ADCK2: variants seen among roughly 807,000 people sequenced by gnomAD.
ADCK2 encodes the protein aarF domain containing kinase 2, also known as uncharacterized aarF domain-containing protein kinase 2.
Under a neutral mutation model 52.3 loss-of-function variants are expected in ADCK2, and 37 were observed. The observed-to-expected ratio is 0.71, with a 90% CI of 0.54 to 0.93. ADCK2 has a LOEUF of 0.93. Ranked by LOEUF, ADCK2 falls within the 40% of genes least tolerant of loss-of-function variation. ADCK2 has a pLI of 0.00. For synonymous variants in ADCK2, 321 were observed against 349.2 expected, an observed-to-expected ratio of 0.92 and a Z score of 0.90; for missense variants, 695 against 798.7, an observed-to-expected ratio of 0.87 and a Z score of 1.56.
chr7:140,674,188 A>C lies in ADCK2; in HGVS notation c.858A>C (p.Ser286=). 1 of 1,614,028 alleles carries C rather than the reference A, an allele frequency of 6.2e-7. No homozygotes were observed. The highest frequency in any genetic ancestry group is 8.5e-7 in the Non-Finnish European group (1 of 1,180,006). The stretch of plus-strand genomic sequence containing the variant: ...TCCCTAAAGCTGACCTGGTTGGATC[A>C]AATGCAGGGGTGTCTCGGGCTCAGG... The part of the protein sequence containing the change: ...LLLPKADLVG[S]NAGVSRAQVP... The change falls in exon 1 of 8, where the codon TCA becomes TCC. Residue 286 remains serine (S), a synonymous_variant. Transcript: ENST00000072869. This position sits in a 1 kb window ranked among gnomAD's most constrained non-coding sequence, Gnocchi z 4.6.
intron 3 of ADCK2, among the ~76,000 whole-genome samples, chr7:140,679,662 CTTTTTTTTTTTT>C (rs57302302): frequency 2.4e-4 from 18 of 75,370 alleles, no homozygotes; most frequent in African/African-American, 6.8e-4. Context: ...CCTTCTCTCT[CTTTTTTTTTTTT>C]TTTTTTTTTT....
intron 3 of ADCK2, 54 bp downstream of exon 3, chr7:140,679,337 C>A: frequency 1.2e-6 from 2 of 1,601,954 alleles, no homozygotes; most frequent in Non-Finnish European, 8.5e-7. Context: ...TCGCAGTGGG[C>A]CCGTCTCCAG....
chr7:140,681,032 C>T lies in ADCK2; in HGVS notation c.1210-10C>T. 3 of 1,613,640 alleles carry T rather than the reference C, an allele frequency of 1.9e-6. No individual in the cohort carries two copies. Among genetic ancestry groups the T allele is most frequent in the Non-Finnish European group, 1.7e-6 (2 of 1,179,536 alleles). ...GGGATTAAGCTGTTCTCTCCCTGGT[C>T]TTTCTGAAGGAGAGTGTGCCTGTGT... On this transcript the variant is annotated splice_polypyrimidine_tract_variant and intron_variant, in intron 3 of 7. Transcript: ENST00000072869.
intron 5 of ADCK2, among the ~76,000 whole-genome samples, chr7:140,688,610 A>G (rs1355904930): frequency 6.6e-6 from 1 of 152,256 alleles, no homozygotes; most frequent in African/African-American, 2.4e-5. Context: ...GCTGGTCAGC[A>G]GGAATGCTGG....
chr7:140,689,852 C>T (rs1264854390), intron 6 of ADCK2, 127 bp downstream of exon 6: 1 of 1,202,432 alleles, frequency 8.3e-7, no homozygotes, highest in African/African-American at 1.6e-5. Context: ...AGAACCACCC[C>T]ACATCTTCCA....
At position 140,679,216 on chromosome 7, in the gene ADCK2, A is replaced by G; in HGVS notation, c.1142A>G (p.Lys381Arg). The G allele has an allele frequency of 6.2e-7, 1 of 1,614,058 alleles. No homozygotes were observed. Among genetic ancestry groups the G allele is most frequent in the Non-Finnish European group, 8.5e-7 (1 of 1,179,974 alleles). ...TTCCAGGTCAACTTCCGGAATGTGA[A>G]AGCCGTCAAGTTCCCCACCCCTCTG... ...EHFQVNFRNV[K>R]AVKFPTPLRP... is the part of the protein sequence containing the mutation. Residue 381 changes from lysine (K) to arginine (R), a missense_variant, in exon 3 of 8, where the codon AAA becomes AGA. Coordinates refer to ENST00000072869, the MANE Select transcript of ADCK2 (RefSeq NM_052853.4).
At position 140,674,034 on chromosome 7, in the gene ADCK2, C is replaced by T. The variant is rs780598246; in HGVS notation, c.704C>T (p.Ala235Val). The T allele has an allele frequency of 1.4e-5, 22 of 1,613,964 alleles. No homozygotes were observed. Among genetic ancestry groups the T allele is most frequent in the Non-Finnish European group, 1.9e-5 (22 of 1,180,036 alleles). ...GACAGCGTCCAGAGACTTGGCAGGG[C>T]CTCCTGTCTGCCGCCCTTCTCACAT... ...ETDSVQRLGR[A>V]SCLPPFSHTG... Residue 235 changes from alanine to valine, a missense_variant, in exon 1 of 8, where the codon GCC becomes GTC. Ala to Val is a moderately conservative substitution (Grantham distance 64). Coordinates refer to ENST00000072869, the MANE Select transcript of ADCK2 (RefSeq NM_052853.4). This position sits in a 1 kb window ranked among gnomAD's most constrained non-coding sequence, Gnocchi z 4.6.
chr7:140,684,643 G>A (rs976374256), intron 4 of ADCK2, among the ~76,000 whole-genome samples: 2 of 152,210 alleles, frequency 1.3e-5, no homozygotes, highest in African/African-American at 4.8e-5. Flanking sequence ...GTGGAGGCAC[G>A]TCTGGAGTCC....
Position 140,673,891 on chromosome 7 carries a change from G to A in ADCK2, c.561G>A (p.Arg187=), listed in dbSNP as rs147511260. 5 of 1,613,874 alleles carry A rather than the reference G, an allele frequency of 3.1e-6. No homozygotes were observed. In the African/African-American group the frequency reaches 4.0e-5, roughly 13 times the overall value. Residue 187 remains arginine, a synonymous_variant, in exon 1 of 8, where the codon CGG becomes CGA. Transcript: ENST00000072869. The surrounding 1 kb of genome is among the most constrained non-coding windows in gnomAD (Gnocchi z 6.4). ...HPWTHTERFL[R]QAFGDDWGSI... ...GGACTCACACTGAGCGCTTCCTTCGGCAGGCTTTTGGGGATGACTGGGGGA... is the reference window on the plus strand; with the variant it reads ...GGACTCACACTGAGCGCTTCCTTCGACAGGCTTTTGGGGATGACTGGGGGA...
rs1794371668 is a variant in ADCK2, at chr7:140,674,984, T to C, written c.1080+227T>C. Among the ~76,000 whole-genome samples, 1 of 152,190 alleles carries C rather than the reference T, an allele frequency of 6.6e-6. No homozygotes were observed. The highest frequency in any genetic ancestry group is 2.1e-4 in the South Asian group (1 of 4,830). On this transcript the variant is annotated intron_variant, in intron 2 of 7. Coordinates refer to ENST00000072869, the MANE Select transcript of ADCK2 (RefSeq NM_052853.4). This position sits in a 1 kb window ranked among gnomAD's most constrained non-coding sequence, Gnocchi z 4.6. The stretch of plus-strand genomic sequence containing the variant: ...CTGGCCGGGCGTGGTGGCTCATGTG[T>C]GTAATCCTAGGACTTTGGGAGGCTC...
chr7:140,682,240 G>A (rs541853776), intron 4 of ADCK2, among the ~76,000 whole-genome samples: 37 of 152,274 alleles, frequency 2.4e-4, no homozygotes, highest in Non-Finnish European at 3.7e-4. Flanking sequence ...AGGTCATTTC[G>A]GAGGAGACTG....
chr7:140,678,609 G>A lies in ADCK2; in HGVS notation c.1081-546G>A, dbSNP rs560400597. 6.6e-6 allele frequency among the ~76,000 whole-genome samples: 1 copy of A among 152,290 alleles called. No individual in the cohort carries two copies. The highest frequency in any genetic ancestry group is 1.9e-4 in the East Asian group (1 of 5,180). On this transcript the variant is annotated intron_variant, in intron 2 of 7. Transcript: ENST00000072869. The surrounding 1 kb of genome is among the most constrained non-coding windows in gnomAD (Gnocchi z 4.9). ...GGGAAGAGCCATCACGGAGAGACAG[G>A]TCAGCAGCGGCACCAGCCCTGGATG...
chr7:140,682,728 A>G (rs147942105), intron 4 of ADCK2, among the ~76,000 whole-genome samples: 1,756 of 150,250 alleles, frequency 0.012, 42 homozygotes, highest in African/African-American at 0.041. Flanking sequence ...AGTGGCTCAC[A>G]CCTATAATCC....
In ADCK2 at chr7:140,687,139, C is replaced by T; in HGVS notation, c.1455C>T (p.Cys485=). ...TGGTGGCCGTGCCATCTTCCCTCTG[C>T]CCGCTGCGACTGGTGCTGCTGGATG... The part of the protein sequence containing the change: ...TLVVAVPSSL[C]PLRLVLLDAG... The change falls in exon 5 of 8, where the codon TGC becomes TGT. Residue 485 remains cysteine (C), a synonymous_variant. Transcript: ENST00000072869. The T allele has an allele frequency of 3.7e-6, 6 of 1,613,340 alleles. No individual in the cohort carries two copies. Among genetic ancestry groups the T allele is most frequent in the Non-Finnish European group, 5.1e-6 (6 of 1,179,688 alleles).
intron 7 of ADCK2, among the ~76,000 whole-genome samples, chr7:140,691,138 C>T (rs546875306): frequency 6.6e-6 from 1 of 152,138 alleles, no homozygotes; most frequent in South Asian, 2.1e-4. Context: ...GTTGGCCAGG[C>T]TGATCTCGAA....
At position 140,674,642 on chromosome 7, in the gene ADCK2, A is replaced by C; in HGVS notation, c.965A>C (p.His322Pro). The change falls in exon 2 of 8, where the codon CAT (histidine) becomes CCT (proline). Residue 322 changes from histidine to proline, a missense_variant. Coordinates refer to ENST00000072869, the MANE Select transcript of ADCK2 (RefSeq NM_052853.4). This position sits in a 1 kb window ranked among gnomAD's most constrained non-coding sequence, Gnocchi z 4.6. ...VLHPGLLAQV[H>P]MDLLLMKIGS... ...CACCCTGGCCTGCTCGCTCAGGTGC[A>C]TATGGACCTGCTGCTGATGAAGATT... 2.5e-6 allele frequency: 4 copies of C among 1,614,084 alleles called. No homozygotes were observed. Among genetic ancestry groups the C allele is most frequent in the Non-Finnish European group, 3.4e-6 (4 of 1,180,010 alleles).
intron 5 of ADCK2, among the ~76,000 whole-genome samples, 175 bp from the exon 6 acceptor site, chr7:140,689,422 C>T (rs1475980327): frequency 1.3e-5 from 2 of 152,088 alleles, no homozygotes; most frequent in Admixed American, 1.3e-4. Flanking sequence ...GGGGTGGGGG[C>T]ATTCCTCCCT....
intron 2 of ADCK2, among the ~76,000 whole-genome samples, chr7:140,675,447 G>C (rs561493321): frequency 3.2e-4 from 48 of 152,310 alleles, no homozygotes; most frequent in African/African-American, 1.2e-3. Flanking sequence ...ACGGTCAAGA[G>C]AGGGAGCTCT....
chr7:140,680,342 T>TGGGTTTCTCCCTGTTGCCC, intron 3 of ADCK2, among the ~76,000 whole-genome samples: 1 of 151,640 alleles, frequency 6.6e-6, no homozygotes, highest in Non-Finnish European at 1.5e-5. Flanking sequence ...CTGTAGAGCC[T>TGGGTTTCTCCCTGTTGCCC]GGGTTTCTCC....
Sources: gnomAD v4.1 joint callset for allele counts (sites outside exome capture counted in the v4.1 genomes callset) on GRCh38, gnomAD v4.1.1 for gene constraint, Gnocchi (gnomAD v3.1) non-coding constraint, MANE v1.5 for transcripts, NCBI Gene and HGNC (gene_info 2026-07-23, HGNC 2026-07-21) for gene names.